The following JHY variants were observed in gnomAD, a reference collection of about 807,000 sequenced individuals.
JHY encodes the protein jhy protein homolog.
A neutral mutation model predicts 78.0 loss-of-function variants in JHY; 69 were observed. The observed-to-expected ratio is 0.88, with a 90% CI of 0.73 to 1.08. JHY has a LOEUF of 1.08. Among genes scored for constraint, JHY ranks in the 50% least tolerant of loss-of-function variants. The pLI, the probability that JHY is intolerant of heterozygous loss-of-function variation, is 0.00. For missense variants in JHY, 944 were observed against 927.8 expected (o/e 1.02, Z -0.23); for synonymous variants, 368 against 342.6 (o/e 1.07, Z -0.82).
At chr11:122,959,121 C>T in intron 8 of JHY, 127 bp from the exon 9 acceptor site, 1 of 1,377,208 alleles carries the variant, frequency 7.3e-7, no homozygotes, top group East Asian at 2.5e-5. Flanking sequence ...TCTCCATTTC[C>T]ACCAATGTCT....
chr11:122,904,234 G>A lies in JHY; in HGVS notation c.654G>A (p.Leu218=), dbSNP rs768135097. The change falls in exon 3 of 9, where the codon CTG becomes CTA. Residue 218 remains leucine, a synonymous_variant. Coordinates refer to ENST00000227349, the MANE Select transcript of JHY (RefSeq NM_024806.4). ...KPFSELSDSD[L]EEKSSSLSPY... ...TTTCAGAGCTGAGCGACAGTGACCT[G>A]GAGGAGAAGTCGAGCAGCCTTTCTC... 6.2e-7 allele frequency: 1 copy of A among 1,612,854 alleles called. No individual in the cohort carries two copies. The highest frequency in any genetic ancestry group is 8.5e-7 in the Non-Finnish European group (1 of 1,179,426).
chr11:122,934,611 C>T lies in JHY; in HGVS notation c.1170C>T (p.Asn390=). Residue 390 remains asparagine (N), a synonymous_variant, in exon 5 of 9, where the codon AAC becomes AAT. Transcript: ENST00000227349. ...AAGAGGTGACTGCCAGTCAGGGGAA[C>T]CAGAATAACCCTCCCAGGCAGCAAC... ...TTEEVTASQG[N]QNNPPRQQQN... is the part of the protein sequence containing the mutation. 1 of 1,613,948 alleles carries T rather than the reference C, an allele frequency of 6.2e-7. No homozygotes were observed. Among genetic ancestry groups the T allele is most frequent in the African/African-American group, 1.3e-5 (1 of 74,896 alleles).
At chr11:122,954,918 T>A (rs1007977097) in intron 6 of JHY, among the ~76,000 whole-genome samples, 1 of 152,222 alleles carries the variant, frequency 6.6e-6, no homozygotes, top group African/African-American at 2.4e-5. Flanking sequence ...CAACAGCTGC[T>A]TCTTCAATGT....
chr11:122,919,694 C>T (rs919151666), intron 3 of JHY, among the ~76,000 whole-genome samples: 4 of 151,818 alleles, frequency 2.6e-5, no homozygotes, highest in Admixed American at 6.6e-5. Flanking sequence ...TCAAAAGTTT[C>T]GTGGCCAGGC....
intron 3 of JHY, among the ~76,000 whole-genome samples, chr11:122,922,637 C>G (rs530295029): frequency 1.3e-5 from 2 of 151,634 alleles, no homozygotes; most frequent in Non-Finnish European, 2.9e-5. Flanking sequence ...GGTGAAACCC[C>G]GTCTCTACTA....
At chr11:122,941,867 T>TTATG (rs1863880642) in intron 5 of JHY, among the ~76,000 whole-genome samples, 1 of 151,974 alleles carries the variant, frequency 6.6e-6, no homozygotes, top group Non-Finnish European at 1.5e-5. Flanking sequence ...TTGTTTTAGT[T>TTATG]TATTTATTTA....
chr11:122,914,106 A>G (rs1162219290), intron 3 of JHY, among the ~76,000 whole-genome samples: 2 of 152,198 alleles, frequency 1.3e-5, no homozygotes, highest in African/African-American at 2.4e-5. Context: ...TGTTTGCCTT[A>G]TATCACAGAC....
At chr11:122,902,765 T>C (rs1046418042) in intron 2 of JHY, among the ~76,000 whole-genome samples, 20 of 152,112 alleles carry the variant, frequency 1.3e-4, no homozygotes, top group Non-Finnish European at 2.9e-4. Context: ...CACTCACTAC[T>C]CAGAACCAAG....
chr11:122,925,140 G>A, intron 4 of JHY, 130 bp downstream of exon 4: 1 of 716,666 alleles, frequency 1.4e-6, no homozygotes, highest in African/African-American at 1.8e-5. Flanking sequence ...CTTTCCTATG[G>A]GTAAGACTGG....
intron 3 of JHY, among the ~76,000 whole-genome samples, chr11:122,916,779 C>T (rs1381797074): frequency 1.3e-5 from 2 of 152,052 alleles, no homozygotes; most frequent in Admixed American, 6.6e-5. Flanking sequence ...GCTGGGATTA[C>T]AGGCGCCTGC....
intron 5 of JHY, among the ~76,000 whole-genome samples, chr11:122,941,457 G>C (rs917355278): frequency 2.0e-5 from 3 of 152,104 alleles, no homozygotes; most frequent in African/African-American, 7.2e-5. Flanking sequence ...CTTCCCTACA[G>C]TATATGTACA....
intron 3 of JHY, among the ~76,000 whole-genome samples, chr11:122,914,223 A>C (rs1863188582): frequency 6.6e-6 from 1 of 152,150 alleles, no homozygotes; most frequent in African/African-American, 2.4e-5. Context: ...GTTTGGTTTA[A>C]ATTTACGTCT....
rs764530774 is a variant in JHY at position 122,904,301 on chromosome 11, C to G, written c.721C>G (p.Pro241Ala). 4.7e-5 allele frequency: 76 copies of G among 1,614,006 alleles called. No homozygotes were observed. Among genetic ancestry groups the G allele is most frequent in the Non-Finnish European group, 6.1e-5 (72 of 1,180,032 alleles). The stretch of plus-strand genomic sequence containing the variant: ...AAGTTCACATAACGAGGTTTTCCTG[C>G]CGGGATCACGTGGCCCTCGGCGAAG... ...SSSSHNEVFL[P>A]GSRGPRRRKS... The change falls in exon 3 of 9, where the codon CCG (proline) becomes GCG (alanine). Residue 241 changes from proline to alanine, a missense_variant. Physicochemically the swap from Pro to Ala is conservative, Grantham distance 27 (BLOSUM62 -1). Transcript: ENST00000227349.
rs968263397 is a variant in JHY at position 122,959,605 on chromosome 11, G to T, written c.*160G>T. The T allele has an allele frequency of 2.8e-5, 18 of 641,772 alleles. No homozygotes were observed. In the Admixed American group the frequency reaches 3.7e-4, roughly 13 times the overall value. 39.8% of individuals were successfully genotyped at this position (641,772 alleles called of 1,614,324 possible). A position where few individuals can be genotyped will look rare whatever the true frequency, so the allele number is the denominator to read the frequency against. On this transcript the variant is annotated 3_prime_UTR_variant, in exon 9 of 9. Transcript: ENST00000227349. ...AGGATTTAAAATATGAGGCCCAATTGGATTATGGTGCCATATTTTACTTTC... is the reference window on the plus strand; with the variant it reads ...AGGATTTAAAATATGAGGCCCAATTTGATTATGGTGCCATATTTTACTTTC...
Position 122,956,573 on chromosome 11 carries a change from C to T in JHY, c.2007C>T (p.Asp669=), listed in dbSNP as rs1864197077. Residue 669 remains aspartate, a synonymous_variant, in exon 7 of 9, where the codon GAC becomes GAT. Coordinates refer to ENST00000227349, the MANE Select transcript of JHY (RefSeq NM_024806.4). ...GLGPDFESIR[D]KTQKLIQQKE... ...GACCTGACTTTGAGTCCATCAGAGA[C>T]AAAGTGAGTGAGATGCACATACAGT... The T allele has an allele frequency of 6.2e-7, 1 of 1,613,082 alleles. No individual in the cohort carries two copies. Among genetic ancestry groups the T allele is most frequent in the Non-Finnish European group, 8.5e-7 (1 of 1,179,266 alleles).
chr11:122,962,960 A>T lies in JHY; in HGVS notation c.*3515A>T, dbSNP rs1864344165. Among the ~76,000 whole-genome samples the T allele has an allele frequency of 6.6e-6, 1 of 151,792 alleles. No individual in the cohort carries two copies. Among genetic ancestry groups the T allele is most frequent in the Admixed American group, 6.6e-5 (1 of 15,244 alleles). On this transcript the variant is annotated 3_prime_UTR_variant, in exon 9 of 9. Transcript: ENST00000227349. ...TTGTTTCTCTGTGTGGATGAGCAAC[A>T]TATAGTTGCTATGAATTTCTATTTT...
At chr11:122,887,751 G>A (rs1180357361) in intron 2 of JHY, among the ~76,000 whole-genome samples, 2 of 152,076 alleles carry the variant, frequency 1.3e-5, no homozygotes, top group African/African-American at 4.8e-5. Context: ...ACATGTTTGT[G>A]GCACATTAGG....
At chr11:122,932,383 C>T (rs957448200) in intron 4 of JHY, among the ~76,000 whole-genome samples, 28 of 152,220 alleles carry the variant, frequency 1.8e-4, no homozygotes, top group African/African-American at 3.4e-4. Flanking sequence ...GTTGTCAGAG[C>T]GCCCTGTGAA....
chr11:122,956,767 C>T (rs1021988590), intron 7 of JHY, among the ~76,000 whole-genome samples, 191 bp downstream of exon 7: 2 of 152,088 alleles, frequency 1.3e-5, no homozygotes, highest in Admixed American at 1.3e-4. Flanking sequence ...ATATTTAGCC[C>T]GTGTTGTTTT....
Sources: gnomAD v4.1 joint callset for allele counts (sites outside exome capture counted in the v4.1 genomes callset) on GRCh38, gnomAD v4.1.1 for gene constraint, MANE v1.5 for transcripts, NCBI Gene and HGNC (gene_info 2026-07-23, HGNC 2026-07-21) for gene names.